OLFM3: variants seen among roughly 807,000 people sequenced by gnomAD.
OLFM3 encodes the protein olfactomedin 3, also known as noelin-3.
A neutral mutation model predicts 48.6 loss-of-function variants in OLFM3; 20 were observed. That is an observed-to-expected ratio of 0.41 (90% CI 0.29 to 0.60). The LOEUF is 0.60. Ranked by LOEUF, OLFM3 falls within the 20% of genes least tolerant of loss-of-function variation. The probability of loss-of-function intolerance (pLI) is 0.28; values close to 1 mark genes in which losing one functional copy is unlikely to be tolerated. For synonymous variants in OLFM3, 222 were observed against 198.1 expected, an observed-to-expected ratio of 1.12 and a Z score of -1.01; for missense variants, 437 against 544.3, an observed-to-expected ratio of 0.80 and a Z score of 1.96.
chr1:101,918,185 C>T (rs1435407151), intron 1 of OLFM3, among the ~76,000 whole-genome samples: 1 of 152,134 alleles, frequency 6.6e-6, no homozygotes, highest in African/African-American at 2.4e-5. Context: ...TGAAGGACAT[C>T]ACAACTTGTC....
chr1:101,887,800 A>G (rs1657823829), intron 1 of OLFM3, among the ~76,000 whole-genome samples: 1 of 152,064 alleles, frequency 6.6e-6, no homozygotes, highest in East Asian at 1.9e-4. Flanking sequence ...AAATTCTACA[A>G]ATCCCACAGC....
intron 3 of OLFM3, among the ~76,000 whole-genome samples, chr1:101,829,564 T>G (rs1017981343): frequency 6.6e-6 from 1 of 152,212 alleles, no homozygotes; most frequent in Non-Finnish European, 1.5e-5. Flanking sequence ...CACATTCAAA[T>G]GTGTTATGCA....
intron 1 of OLFM3, among the ~76,000 whole-genome samples, chr1:101,932,809 G>T (rs896957085): frequency 6.6e-6 from 1 of 152,080 alleles, no homozygotes; most frequent in African/African-American, 2.4e-5. Context: ...TAATATGGCT[G>T]AAATGACAGA....
intron 1 of OLFM3, among the ~76,000 whole-genome samples, chr1:101,863,217 G>A (rs1014159243): frequency 2.0e-5 from 3 of 152,062 alleles, no homozygotes; most frequent in Non-Finnish European, 4.4e-5. Context: ...CCTTGGATCC[G>A]CCTGCCTTCC....
intron 4 of OLFM3, 140 bp downstream of exon 4, chr1:101,824,886 G>A (rs1570524588): frequency 2.9e-6 from 2 of 696,330 alleles, no homozygotes; most frequent in Middle Eastern, 4.1e-4. Flanking sequence ...TAAGTCATTA[G>A]GGGACACTTC....
intron 1 of OLFM3, among the ~76,000 whole-genome samples, chr1:101,956,859 T>C (rs554481804): frequency 3.3e-5 from 5 of 152,020 alleles, no homozygotes; most frequent in African/African-American, 1.2e-4. Context: ...TTTTTGACTG[T>C]CTTAACTCTG....
chr1:101,865,499 T>G (rs571623850), intron 1 of OLFM3, among the ~76,000 whole-genome samples: 30 of 152,212 alleles, frequency 2.0e-4, no homozygotes, highest in Admixed American at 3.9e-4. Context: ...TTTCATATTC[T>G]GGTAGCTTCT....
At chr1:101,931,662 G>A (rs1004417152) in intron 1 of OLFM3, among the ~76,000 whole-genome samples, 1 of 152,234 alleles carries the variant, frequency 6.6e-6, no homozygotes, top group Non-Finnish European at 1.5e-5. Flanking sequence ...TTAATGGGAA[G>A]TGGGAGAAGA....
intron 2 of OLFM3, among the ~76,000 whole-genome samples, chr1:101,832,613 C>A (rs774290453): frequency 1.3e-4 from 20 of 152,198 alleles, no homozygotes; most frequent in Non-Finnish European, 2.9e-4. Context: ...AGGTTAGAAG[C>A]TGTGTCTTAC....
At chr1:101,965,344 C>A (rs74397030) in intron 1 of OLFM3, among the ~76,000 whole-genome samples, 5 of 151,988 alleles carry the variant, frequency 3.3e-5, no homozygotes, top group Admixed American at 3.3e-4. Flanking sequence ...ACAAAGATTT[C>A]GAAGGAAGGA....
intron 1 of OLFM3, among the ~76,000 whole-genome samples, chr1:101,842,980 C>G (rs925856918): frequency 2.6e-5 from 4 of 152,156 alleles, no homozygotes. Context: ...ACGAAATGAG[C>G]ATTACCTAAG....
chr1:101,873,673 T>G lies in OLFM3; in HGVS notation c.70-36648A>C, dbSNP rs560789427. Among the ~76,000 whole-genome samples, 6 of 151,930 alleles carry G rather than the reference T, an allele frequency of 3.9e-5. No homozygotes were observed. In the East Asian group the frequency reaches 1.2e-3, roughly 29 times the overall value. The stretch of plus-strand genomic sequence containing the variant: ...TTTGTTCTTCCCTAGTATAAAAGAA[T>G]AGTTGAGCACAGAGGAGTGTTAACC... On this transcript the variant is annotated intron_variant, in intron 1 of 5. Transcript: ENST00000370103.
chr1:101,860,669 A>G (rs142234588), intron 1 of OLFM3, among the ~76,000 whole-genome samples: 1 of 152,176 alleles, frequency 6.6e-6, no homozygotes, highest in African/African-American at 2.4e-5. Flanking sequence ...ACTTCATGAA[A>G]TCATGTATGT....
At chr1:101,973,608 T>A (rs1013422548) in intron 1 of OLFM3, among the ~76,000 whole-genome samples, 1 of 152,138 alleles carries the variant, frequency 6.6e-6, no homozygotes, top group Non-Finnish European at 1.5e-5. Flanking sequence ...CAATTCTGCC[T>A]GGGGGAAGAA....
At chr1:101,809,872 C>T (rs1653964482) in intron 4 of OLFM3, among the ~76,000 whole-genome samples, 1 of 151,862 alleles carries the variant, frequency 6.6e-6, no homozygotes, top group African/African-American at 2.4e-5. Context: ...ACTTAGCTCC[C>T]AAGGAACAAT....
chr1:101,940,260 T>G (rs1659746405), intron 1 of OLFM3, among the ~76,000 whole-genome samples: 2 of 152,108 alleles, frequency 1.3e-5, no homozygotes, highest in Non-Finnish European at 2.9e-5. Flanking sequence ...TTTTCTTGTT[T>G]CTTGAGTTTG....
intron 1 of OLFM3, among the ~76,000 whole-genome samples, chr1:101,880,169 A>G (rs1462035944): frequency 1.3e-5 from 2 of 151,874 alleles, no homozygotes; most frequent in African/African-American, 2.4e-5. Context: ...TTTTATTTTA[A>G]ATACAGAGAA....
At chr1:101,988,687 A>G (rs1661316365) in intron 1 of OLFM3, among the ~76,000 whole-genome samples, 1 of 152,104 alleles carries the variant, frequency 6.6e-6, no homozygotes, top group African/African-American at 2.4e-5. Flanking sequence ...TAAATATCTT[A>G]TATCAATAAG....
At chr1:101,978,708 G>A (rs965067935) in intron 1 of OLFM3, among the ~76,000 whole-genome samples, 4 of 152,180 alleles carry the variant, frequency 2.6e-5, no homozygotes, top group East Asian at 3.9e-4. Flanking sequence ...ACAGACAGGC[G>A]CTTTAATTTT....
Sources: gnomAD v4.1 joint callset for allele counts (sites outside exome capture counted in the v4.1 genomes callset) on GRCh38, gnomAD v4.1.1 for gene constraint, MANE v1.5 for transcripts, NCBI Gene and HGNC (gene_info 2026-07-23, HGNC 2026-07-21) for gene names.